The following TLK2 variants were observed in gnomAD, a reference collection of about 807,000 sequenced individuals.
TLK2 encodes tousled like kinase 2.
A neutral mutation model predicts 117.3 loss-of-function variants in TLK2; 6 were observed. The observed-to-expected ratio is 0.05, with a 90% CI of 0.03 to 0.10. The LOEUF (loss-of-function observed/expected upper bound fraction) is 0.10, where lower values mean the gene tolerates loss of function less well. TLK2 is among the 10% of genes least tolerant of loss of function. TLK2 has a pLI of 1.00. For missense variants in TLK2, 299 were observed against 901.2 expected, an observed-to-expected ratio of 0.33 and a Z score of 8.56; for synonymous variants, 257 against 316.7, an observed-to-expected ratio of 0.81 and a Z score of 2.00.
At chr17:62,483,657 A>G (rs913553044) in intron 2 of TLK2, among the ~76,000 whole-genome samples, 5 of 151,452 alleles carry the variant, frequency 3.3e-5, no homozygotes, top group African/African-American at 1.2e-4. Context: ...GTGCGCCACT[A>G]CCACCCTGTT....
In TLK2 at chr17:62,592,724, A is replaced by G. The variant is rs116307266; in HGVS notation, c.1461-3861A>G. ...TTTCAGGATGATTCAAGCGCATTAC[A>G]TTTGTTGTGTACTTTATTTCTATTA... On this transcript the variant is annotated intron_variant, in intron 16 of 21. Transcript: ENST00000346027. 1.5e-3 allele frequency among the ~76,000 whole-genome samples: 226 copies of G among 152,292 alleles called. 1 individual carries two copies. Among genetic ancestry groups the G allele is most frequent in the African/African-American group, 3.5e-3 (147 of 41,562 alleles).
intron 2 of TLK2, chr17:62,516,525 A>G: frequency 1.2e-6 from 2 of 1,608,828 alleles, no homozygotes; most frequent in Non-Finnish European, 1.7e-6. Context: ...GATGAAGGTA[A>G]TCACGGAGAT....
chr17:62,597,242 A>T (rs924122348), intron 17 of TLK2: 4 of 152,376 alleles, frequency 2.6e-5, no homozygotes, highest in African/African-American at 9.7e-5. Context: ...GGACCCTCAT[A>T]TGCATGGAAT....
chr17:62,551,175 A>G (rs1344526997), intron 7 of TLK2, among the ~76,000 whole-genome samples: 1 of 152,240 alleles, frequency 6.6e-6, no homozygotes, highest in African/African-American at 2.4e-5. Flanking sequence ...TTTAGGTTAC[A>G]GTAACTTGTT....
intron 14 of TLK2, among the ~76,000 whole-genome samples, chr17:62,579,444 A>G (rs1344603550): frequency 6.6e-6 from 1 of 152,238 alleles, no homozygotes; most frequent in African/African-American, 2.4e-5. Flanking sequence ...GTCTCTCCAG[A>G]TAGGCATCCT....
chr17:62,605,308 A>C (rs1369302216), intron 19 of TLK2, among the ~76,000 whole-genome samples: 1 of 152,150 alleles, frequency 6.6e-6, no homozygotes, highest in Non-Finnish European at 1.5e-5. Context: ...TAGTGAGAAT[A>C]TTTACCACTC....
rs1249661648 is a variant in TLK2, at chr17:62,615,422, C to T, written c.*2857C>T. ...ATTAAACCCATCCAGATTGTTTTAG[C>T]CTTTTCCCAATGGGGTGGGGGAGGG... On this transcript the variant is annotated 3_prime_UTR_variant, in exon 22 of 22. Coordinates refer to ENST00000346027, the MANE Select transcript of TLK2 (RefSeq NM_006852.6). 6.6e-6 allele frequency: 1 copy of T among 152,140 alleles called. No homozygotes were observed. The highest frequency in any genetic ancestry group is 1.5e-5 in the Non-Finnish European group (1 of 68,042). The allele number at this position is 152,140 out of a possible 1,614,324, so 9.4% of individuals were successfully genotyped here. A position where few individuals can be genotyped will look rare whatever the true frequency, so the allele number is the denominator to read the frequency against.
At chr17:62,480,847 T>C (rs2071558335) in intron 1 of TLK2, among the ~76,000 whole-genome samples, 1 of 152,148 alleles carries the variant, frequency 6.6e-6, no homozygotes, top group Admixed American at 6.6e-5. Flanking sequence ...ATATGAAGGG[T>C]TTGAGGGGTT....
chr17:62,564,095 A>C (rs921691543), intron 10 of TLK2, among the ~76,000 whole-genome samples: 3 of 152,116 alleles, frequency 2.0e-5, no homozygotes, highest in African/African-American at 7.2e-5. Context: ...GAGATGCTGA[A>C]CTCTAAGATT....
At chr17:62,481,279 T>C (rs2071611861) in intron 2 of TLK2, 73 bp downstream of exon 2, 1 of 1,549,290 alleles carries the variant, frequency 6.5e-7, no homozygotes, top group Non-Finnish European at 8.9e-7. Context: ...TTAAGAGCAA[T>C]TTGGGTAGGC....
intron 7 of TLK2, among the ~76,000 whole-genome samples, chr17:62,547,761 T>C (rs1567894249): frequency 6.6e-6 from 1 of 152,154 alleles, no homozygotes; most frequent in East Asian, 1.9e-4. Flanking sequence ...TCAAGAAATC[T>C]GTAAAGGGCC....
At chr17:62,581,244 C>T (rs1337753500) in intron 15 of TLK2, among the ~76,000 whole-genome samples, 1 of 152,138 alleles carries the variant, frequency 6.6e-6, no homozygotes, top group Non-Finnish European at 1.5e-5. Flanking sequence ...CTCAAGCAAT[C>T]CTCCTGCCTT....
chr17:62,578,344 A>G (rs958143416), intron 13 of TLK2, 133 bp from the exon 14 acceptor site: 2 of 698,818 alleles, frequency 2.9e-6, no homozygotes, highest in African/African-American at 3.6e-5. Flanking sequence ...TAAAATTCTT[A>G]AAGAAATCTT....
chr17:62,472,986 A>T (rs943372821), intron 1 of TLK2, among the ~76,000 whole-genome samples: 1 of 152,030 alleles, frequency 6.6e-6, no homozygotes, highest in African/African-American at 2.4e-5. Context: ...CCACACCACA[A>T]ATTGTCCACT....
intron 7 of TLK2, among the ~76,000 whole-genome samples, chr17:62,540,859 C>T (rs2077478093): frequency 6.6e-6 from 1 of 152,138 alleles, no homozygotes. Context: ...TAAGTCCAGT[C>T]ATGCCACTCC....
At chr17:62,498,850 C>T (rs1367289718) in intron 2 of TLK2, among the ~76,000 whole-genome samples, 4 of 151,994 alleles carry the variant, frequency 2.6e-5, no homozygotes, top group African/African-American at 9.7e-5. Context: ...TCTTGATCAG[C>T]GATTTCTTTG....
At chr17:62,598,197 G>T (rs1305737590) in intron 17 of TLK2, among the ~76,000 whole-genome samples, 1 of 152,170 alleles carries the variant, frequency 6.6e-6, no homozygotes, top group African/African-American at 2.4e-5. Flanking sequence ...AAGGGGCGGG[G>T]CATGACATTA....
chr17:62,566,485 G>T (rs528916480), intron 11 of TLK2, among the ~76,000 whole-genome samples: 4 of 152,140 alleles, frequency 2.6e-5, no homozygotes, highest in African/African-American at 9.6e-5. Context: ...TATTCCTCAT[G>T]TGTGTATATT....
At chr17:62,523,465 G>C (rs1420646037) in intron 5 of TLK2, among the ~76,000 whole-genome samples, 1 of 152,164 alleles carries the variant, frequency 6.6e-6, no homozygotes. Flanking sequence ...TTATAGTCCT[G>C]GCTACTTGGG....
Sources: gnomAD v4.1 joint callset for allele counts (sites outside exome capture counted in the v4.1 genomes callset) on GRCh38, gnomAD v4.1.1 for gene constraint, MANE v1.5 for transcripts, NCBI Gene and HGNC (gene_info 2026-07-23, HGNC 2026-07-21) for gene names.